TTF1: variants seen among roughly 807,000 people sequenced by gnomAD.
TTF1 encodes the protein transcription termination factor 1, also known as transcription termination factor, RNA polymerase I.
In TTF1, 64 loss-of-function variants were observed where a neutral mutation model predicts 80.2. The ratio of observed to expected loss-of-function variants is 0.80; its 90% CI spans 0.65 to 0.98. The LOEUF (loss-of-function observed/expected upper bound fraction) is 0.98. Ranked by LOEUF, TTF1 falls within the 50% of genes least tolerant of loss-of-function variation. The probability of loss-of-function intolerance (pLI) is 0.00; values close to 1 mark genes in which losing one functional copy is unlikely to be tolerated. For missense variants in TTF1, 1,023 were observed against 1,086.2 expected (o/e 0.94, Z 0.82); for synonymous variants, 372 against 382.7 (o/e 0.97, Z 0.33).
At chr9:132,379,250 T>TC (rs1365575089) in intron 9 of TTF1, 106 bp from the exon 10 acceptor site, 1 of 745,390 alleles carries the variant, frequency 1.3e-6, no homozygotes, top group African/African-American at 1.8e-5. Flanking sequence ...TAGTTTTTTT[T>TC]ATCGTAAACA....
intron 5 of TTF1, among the ~76,000 whole-genome samples, chr9:132,392,561 C>T (rs1472046687): frequency 1.3e-5 from 2 of 150,818 alleles, no homozygotes; most frequent in South Asian, 2.1e-4. Context: ...CGGGGAGCGC[C>T]TCCCTGACCC....
At position 132,402,405 on chromosome 9, in the gene TTF1, C is replaced by T. The variant is rs1488606031; in HGVS notation, c.417G>A (p.Lys139=). 1.2e-6 allele frequency: 2 copies of T among 1,614,058 alleles called. No homozygotes were observed. The highest frequency in any genetic ancestry group is 1.7e-6 in the Non-Finnish European group (2 of 1,180,044). ...DMSIEQKLPR[K]PKTDKFQVLA... ...GTACCTGAAATTTGTCTGTTTTAGG[C>T]TTTCTTGGTAACTTCTGTTCTATGC... The change falls in exon 2 of 11, where the codon AAG becomes AAA. Residue 139 remains lysine, a synonymous_variant. Transcript: ENST00000334270.
At position 132,390,846 on chromosome 9, in the gene TTF1, AG is replaced by A; in HGVS notation, c.1988-16del. ...ACGATTTCTTTCTGTAGATATAAAA[AG>A]ATGGTCTTATAGTAGCTAGTCTATT... On this transcript the variant is annotated splice_polypyrimidine_tract_variant and intron_variant, in intron 6 of 10. Transcript: ENST00000334270. 6.2e-7 allele frequency: 1 copy of A among 1,610,478 alleles called. No homozygotes were observed. Among genetic ancestry groups the A allele is most frequent in the Non-Finnish European group, 8.5e-7 (1 of 1,177,898 alleles).
chr9:132,377,840 G>GGT, intron 10 of TTF1, among the ~76,000 whole-genome samples: 1 of 135,612 alleles, frequency 7.4e-6, no homozygotes, highest in Non-Finnish European at 1.6e-5. Flanking sequence ...GAATGCATGT[G>GGT]GTGTGTGTGA....
chr9:132,383,862 T>C (rs1849414917), intron 9 of TTF1, among the ~76,000 whole-genome samples: 1 of 152,214 alleles, frequency 6.6e-6, no homozygotes, highest in Non-Finnish European at 1.5e-5. Flanking sequence ...GGCTTTCTCA[T>C]GATTTTTTGT....
At chr9:132,405,077 C>T (rs1235725442) in intron 1 of TTF1, among the ~76,000 whole-genome samples, 1 of 151,970 alleles carries the variant, frequency 6.6e-6, no homozygotes. Flanking sequence ...TTAGTAGAGA[C>T]GGAGTTTCAC....
At position 132,377,671 on chromosome 9, in the gene TTF1, G is replaced by GGTGTGTGAGTGCAT. The variant is rs1564181377; in HGVS notation, c.2464+1387_2464+1388insATGCACTCACACAC. ...GCATGTGGTGTGTGTGAGTGCATGT[G>GGTGTGTGAGTGCAT]GTGTGTGAATGCATGTGGTGTGAGT... On this transcript the variant is annotated intron_variant, in intron 10 of 10. Coordinates refer to ENST00000334270, the MANE Select transcript of TTF1 (RefSeq NM_007344.4). Among the ~76,000 whole-genome samples the GGTGTGTGAGTGCAT allele has an allele frequency of 2.5e-5, 3 of 121,190 alleles. No homozygotes were observed. In the Admixed American group the frequency reaches 2.5e-4, roughly 10 times the overall value. 79.5% of individuals were successfully genotyped at this position (121,190 alleles called of 152,430 possible). A position where few individuals can be genotyped will look rare whatever the true frequency, so the allele number is the denominator to read the frequency against.
Position 132,392,418 on chromosome 9 carries a change from T to A in TTF1, c.1857-212A>T, listed in dbSNP as rs921498578. On this transcript the variant is annotated intron_variant, in intron 5 of 10. Transcript: ENST00000334270. ...GTGGAGACCAGAGGCCTGGCTCAAC[T>A]GAACAGCAGCCGGAGCAATCACTTA... Among the ~76,000 whole-genome samples, 7 of 152,158 alleles carry A rather than the reference T, an allele frequency of 4.6e-5. No homozygotes were observed. The East Asian group carries it at 1.3e-3, about 29-fold the overall frequency.
rs1421851337 is a variant in TTF1, at chr9:132,386,633, A to T, written c.2313-12T>A. 6.2e-7 allele frequency: 1 copy of T among 1,601,648 alleles called. No homozygotes were observed. The highest frequency in any genetic ancestry group is 1.7e-5 in the Admixed American group (1 of 59,250). Reference sequence around the variant, plus strand: ...TTATTTCATACAACCTGTGAGAAAAAATAAAAATTAAATTTTCAAGCAAAA... The same window carrying T: ...TTATTTCATACAACCTGTGAGAAAATATAAAAATTAAATTTTCAAGCAAAA... On this transcript the variant is annotated splice_polypyrimidine_tract_variant and intron_variant, in intron 8 of 10. Transcript: ENST00000334270.
intron 8 of TTF1, 33 bp downstream of exon 8, chr9:132,388,106 C>T (rs774067053): frequency 2.7e-5 from 41 of 1,536,894 alleles, no homozygotes; most frequent in Non-Finnish European, 3.6e-5. Flanking sequence ...GAGACAGAAA[C>T]AGTTAAGAGG....
rs1401963206 is a variant in TTF1, at chr9:132,392,096, T to C, written c.1967A>G (p.Lys656Arg). 1.2e-6 allele frequency: 2 copies of C among 1,613,922 alleles called. No homozygotes were observed. Among genetic ancestry groups the C allele is most frequent in the Middle Eastern group, 1.7e-4 (1 of 6,030 alleles). Reference protein sequence around the residue: ...VARSSLSVALKFSQISSQRNR... With the variant: ...VARSSLSVALRFSQISSQRNR... ...CTTACGACTGCTGATCTGTGAGAAC[T>C]TGAGGGCCACGGAGAGGCTACTTCG... The change falls in exon 6 of 11, where the codon AAG (lysine) becomes AGG (arginine). Residue 656 changes from lysine (K) to arginine (R), a missense_variant. Lys to Arg is a conservative substitution (Grantham distance 26). Coordinates refer to ENST00000334270, the MANE Select transcript of TTF1 (RefSeq NM_007344.4).
At chr9:132,400,356 G>A in intron 2 of TTF1, 98 bp from the exon 3 acceptor site, 1 of 976,136 alleles carries the variant, frequency 1.0e-6, no homozygotes, top group South Asian at 1.5e-5. Context: ...ACAGAGGCTT[G>A]CTCTGTCGCC....
At chr9:132,376,662 CT>C (rs530150374) in intron 10 of TTF1, among the ~76,000 whole-genome samples, 1,833 of 136,494 alleles carry the variant, frequency 0.013, 7 homozygotes, top group East Asian at 0.017. Flanking sequence ...AATCTGTATC[CT>C]TTTTTTTTTT....
At position 132,402,587 on chromosome 9, in the gene TTF1, C is replaced by A. The variant is rs150316261; in HGVS notation, c.235G>T (p.Ala79Ser). 6.2e-7 allele frequency: 1 copy of A among 1,614,066 alleles called. No individual in the cohort carries two copies. Among genetic ancestry groups the A allele is most frequent in the Non-Finnish European group, 8.5e-7 (1 of 1,180,004 alleles). ...KSRICDETAN[A>S]TSTLKKRKKR... is the part of the protein sequence containing the mutation. ...TTTCTCTTTTTGAGTGTGGAAGTGGCATTTGCAGTCTCATCACAGATTCTG... is the reference window on the plus strand; with the variant it reads ...TTTCTCTTTTTGAGTGTGGAAGTGGAATTTGCAGTCTCATCACAGATTCTG... The change falls in exon 2 of 11, where the codon GCC becomes TCC. Residue 79 changes from alanine to serine, a missense_variant. By Grantham distance (99) the Ala-to-Ser change is moderately conservative. Transcript: ENST00000334270.
In TTF1 at chr9:132,375,965, G is replaced by T. The variant is rs761002182; in HGVS notation, c.2668C>A (p.His890Asn). The T allele has an allele frequency of 1.1e-5, 18 of 1,611,708 alleles. No individual in the cohort carries two copies. Among genetic ancestry groups the T allele is most frequent in the Non-Finnish European group, 1.5e-5 (18 of 1,179,024 alleles). Reference protein sequence around the residue: ...ESEGQAPCMAHACNSSTLGGQ... With the variant: ...ESEGQAPCMANACNSSTLGGQ... ...CCCAAAGTACTGGAATTACAGGCGT[G>T]AGCCATGCATGGCGCCTGGCCTTCG... The change falls in exon 11 of 11, where the codon CAC becomes AAC. Residue 890 changes from histidine (H) to asparagine (N), a missense_variant. By Grantham distance (68) the His-to-Asn change is moderately conservative. Coordinates refer to ENST00000334270, the MANE Select transcript of TTF1 (RefSeq NM_007344.4).
Position 132,400,237 on chromosome 9 carries a change from T to C in TTF1, c.1389A>G (p.Glu463=). Residue 463 remains glutamate, a synonymous_variant, in exon 3 of 11, where the codon GAA becomes GAG. Transcript: ENST00000334270. The stretch of plus-strand genomic sequence containing the variant: ...AATCTTCAGCTGTTTCCACATTGTG[T>C]TCTTCATTTGCAGGTTCTAACCTAA... The part of the protein sequence containing the change: ...EAPRLEPANE[E]HNVETAEDSE... 1 of 1,614,200 alleles carries C rather than the reference T, an allele frequency of 6.2e-7. No homozygotes were observed. Among genetic ancestry groups the C allele is most frequent in the South Asian group, 1.1e-5 (1 of 91,076 alleles).
Position 132,375,911 on chromosome 9 carries a change from G to A in TTF1, c.*4C>T. On this transcript the variant is annotated 3_prime_UTR_variant, in exon 11 of 11. Transcript: ENST00000334270. ...TTGGTCAGGCCGGTCTCGAACTCCTGACCTCAGATGATCCACCGGCCTTGG... is the reference window on the plus strand; with the variant it reads ...TTGGTCAGGCCGGTCTCGAACTCCTAACCTCAGATGATCCACCGGCCTTGG... 6.5e-7 allele frequency: 1 copy of A among 1,546,016 alleles called. No individual in the cohort carries two copies. Among genetic ancestry groups the A allele is most frequent in the Admixed American group, 1.8e-5 (1 of 55,368 alleles).
rs1460294880 is a variant in TTF1, at chr9:132,378,264, GTGCATGTGGTGTGTGAA to G, written c.2464+778_2464+794del. On this transcript the variant is annotated intron_variant, in intron 10 of 10. Transcript: ENST00000334270. ...GTGTGAGTGCATGTGGTGTGTGTGA[GTGCATGTGGTGTGTGAA>G]TGCATGTGGTGAGTGCATGTGGTGT... Among the ~76,000 whole-genome samples the G allele has an allele frequency of 7.1e-4, 96 of 135,520 alleles. 2 individuals carry two copies. The highest frequency in any genetic ancestry group is 2.6e-3 in the African/African-American group (92 of 35,522). The allele number at this position is 135,520 out of a possible 152,430, so 88.9% of individuals were successfully genotyped here. A position where few individuals can be genotyped will look rare whatever the true frequency, so the allele number is the denominator to read the frequency against.
intron 7 of TTF1, 131 bp from the exon 8 acceptor site, chr9:132,388,359 CG>C: frequency 1.9e-6 from 1 of 536,630 alleles, no homozygotes; most frequent in African/African-American, 2.0e-5. Flanking sequence ...TTTTTTGAGA[CG>C]GGGTCTCACT....
Sources: allele counts gnomAD v4.1 joint callset (sites outside exome capture counted in the v4.1 genomes callset), GRCh38; gene constraint gnomAD v4.1.1; transcripts MANE v1.5; gene names NCBI Gene and HGNC (gene_info 2026-07-23, HGNC 2026-07-21).